Variants in SLC4A4 observed in about 807,000 individuals in gnomAD.
SLC4A4 encodes the protein electrogenic sodium bicarbonate cotransporter 1.
Under a neutral mutation model 111.5 loss-of-function variants are expected in SLC4A4, and 27 were observed. That is an observed-to-expected ratio of 0.24 (90% CI 0.18 to 0.33). The LOEUF is 0.33. Among genes scored for constraint, SLC4A4 ranks in the 10% least tolerant of loss-of-function variants. The probability of loss-of-function intolerance (pLI) is 1.00; values close to 1 mark genes in which losing one functional copy is unlikely to be tolerated. For missense variants in SLC4A4, 909 were observed against 1,315.5 expected (o/e 0.69, Z 4.78); for synonymous variants, 443 against 463.4 (o/e 0.96, Z 0.57).
intron 1 of SLC4A4, among the ~76,000 whole-genome samples, chr4:71,072,330 A>G (rs1274644749): frequency 2.6e-5 from 4 of 152,158 alleles, no homozygotes; most frequent in Non-Finnish European, 4.4e-5. Flanking sequence ...TAACTAATCC[A>G]TCTTTTCCTC....
chr4:71,361,261 G>T (rs1730758337), intron 6 of SLC4A4, among the ~76,000 whole-genome samples: 1 of 152,094 alleles, frequency 6.6e-6, no homozygotes. Context: ...ACATTTACTG[G>T]CACATCCACT....
At chr4:71,084,676 T>C (rs1742104280) in intron 1 of SLC4A4, among the ~76,000 whole-genome samples, 1 of 152,098 alleles carries the variant, frequency 6.6e-6, no homozygotes, top group Non-Finnish European at 1.5e-5. Context: ...GTCCTTGCGA[T>C]AGTTTGCTGA....
intron 15 of SLC4A4, among the ~76,000 whole-genome samples, chr4:71,493,659 CTCTT>C (rs1373529171): frequency 1.3e-5 from 2 of 151,808 alleles, no homozygotes; most frequent in African/African-American, 4.8e-5. Flanking sequence ...TTCTCTCTCT[CTCTT>C]TCTCCGTCCC....
intron 6 of SLC4A4, among the ~76,000 whole-genome samples, chr4:71,389,964 T>A (rs985481301): frequency 6.6e-6 from 1 of 152,238 alleles, no homozygotes. Flanking sequence ...TTCTTAGTTA[T>A]GAAATTCCTC....
At chr4:71,296,599 G>C (rs1724813156) in intron 3 of SLC4A4, among the ~76,000 whole-genome samples, 1 of 151,992 alleles carries the variant, frequency 6.6e-6, no homozygotes, top group Non-Finnish European at 1.5e-5. Flanking sequence ...AAAATCAAAA[G>C]GTATTTGGAG....
chr4:71,524,679 T>C (rs1452734263), intron 16 of SLC4A4, among the ~76,000 whole-genome samples: 2 of 152,146 alleles, frequency 1.3e-5, no homozygotes, highest in African/African-American at 4.8e-5. Flanking sequence ...TTTATAGCAT[T>C]GGCTACTGGG....
At chr4:71,453,987 C>T (rs774623343) in intron 12 of SLC4A4, among the ~76,000 whole-genome samples, 4 of 152,170 alleles carry the variant, frequency 2.6e-5, no homozygotes, top group Non-Finnish European at 4.4e-5. Context: ...AGATCTTCTA[C>T]TAGTTTGACT....
chr4:71,400,734 T>A (rs1379895007), intron 7 of SLC4A4, among the ~76,000 whole-genome samples: 1 of 152,148 alleles, frequency 6.6e-6, no homozygotes, highest in Admixed American at 6.5e-5. Context: ...TTTGGTAACT[T>A]CAAATACAAA....
chr4:71,477,843 T>G (rs747423197), intron 14 of SLC4A4, among the ~76,000 whole-genome samples: 2 of 151,612 alleles, frequency 1.3e-5, no homozygotes, highest in Non-Finnish European at 3.0e-5. Context: ...TTAAGAATTG[T>G]GCAGAAAATT....
chr4:71,452,310 AT>A (rs1725846170), intron 11 of SLC4A4, among the ~76,000 whole-genome samples: 1 of 152,074 alleles, frequency 6.6e-6, no homozygotes, highest in South Asian at 2.1e-4. Flanking sequence ...TTTGTAAATT[AT>A]TTCCATTAGG....
At chr4:71,169,073 C>A (rs906205363) in intron 2 of SLC4A4, among the ~76,000 whole-genome samples, 3 of 151,976 alleles carry the variant, frequency 2.0e-5, no homozygotes, top group African/African-American at 7.3e-5. Flanking sequence ...GGCTGGAGTG[C>A]AATGGCACAA....
intron 15 of SLC4A4, among the ~76,000 whole-genome samples, chr4:71,488,808 A>T (rs1244025660): frequency 2.0e-5 from 3 of 151,562 alleles, no homozygotes. Context: ...CAATCCCTTC[A>T]TATGCATCAA....
intron 14 of SLC4A4, among the ~76,000 whole-genome samples, chr4:71,481,209 C>T (rs934726022): frequency 4.0e-5 from 6 of 151,638 alleles, no homozygotes; most frequent in African/African-American, 1.5e-4. Flanking sequence ...GAATTCAAGC[C>T]CAGTTTTTCT....
At chr4:71,354,904 G>A (rs189545683) in intron 5 of SLC4A4, among the ~76,000 whole-genome samples, 29 of 152,246 alleles carry the variant, frequency 1.9e-4, no homozygotes, top group East Asian at 7.7e-4. Context: ...CTATCATCTA[G>A]TGTTGGCACA....
chr4:71,251,317 A>G (rs1721056870), intron 2 of SLC4A4, among the ~76,000 whole-genome samples: 1 of 152,192 alleles, frequency 6.6e-6, no homozygotes, highest in Non-Finnish European at 1.5e-5. Flanking sequence ...GAGAAGTATG[A>G]AGTTAGGTTA....
chr4:71,305,455 TA>T (rs1725605183), intron 3 of SLC4A4, among the ~76,000 whole-genome samples: 1 of 152,226 alleles, frequency 6.6e-6, no homozygotes, highest in Admixed American at 6.5e-5. Flanking sequence ...TTTAGCATGT[TA>T]AATGAAAGAT....
At chr4:71,487,040 A>G (rs767279106) in intron 15 of SLC4A4, 22 bp downstream of exon 15, 2 of 1,369,164 alleles carry the variant, frequency 1.5e-6, no homozygotes, top group Non-Finnish European at 2.1e-6. Flanking sequence ...ACTATTTTAA[A>G]TTACCTTCAT....
At chr4:71,367,143 A>G (rs563720240) in intron 6 of SLC4A4, among the ~76,000 whole-genome samples, 3 of 152,322 alleles carry the variant, frequency 2.0e-5, no homozygotes, top group Non-Finnish European at 2.9e-5. Context: ...GTTCCCAACA[A>G]TACACTGACA....
intron 7 of SLC4A4, among the ~76,000 whole-genome samples, chr4:71,435,557 A>G (rs1410127211): frequency 6.6e-6 from 1 of 152,250 alleles, no homozygotes; most frequent in African/African-American, 2.4e-5. Context: ...AAATTGACAA[A>G]TGGGATCTAA....
Sources: allele counts gnomAD v4.1 joint callset (sites outside exome capture counted in the v4.1 genomes callset), GRCh38; gene constraint gnomAD v4.1.1; transcripts MANE v1.5; gene names NCBI Gene and HGNC (gene_info 2026-07-23, HGNC 2026-07-21).